SCFD1: variants seen among roughly 807,000 people sequenced by gnomAD.
SCFD1 encodes sec1 family domain-containing protein 1.
A neutral mutation model predicts 103.2 loss-of-function variants in SCFD1; 37 were observed. The observed-to-expected ratio is 0.36, with a 90% confidence interval of 0.28 to 0.47. The LOEUF is 0.47. SCFD1 is among the 20% of genes least tolerant of loss of function. The pLI is 1.00. For missense variants in SCFD1, 639 were observed against 761.2 expected (o/e 0.84, Z 1.89); for synonymous variants, 264 against 245.0 (o/e 1.08, Z -0.73).
chr14:30,714,732 A>G (rs1892155343), intron 19 of SCFD1, among the ~76,000 whole-genome samples: 1 of 152,246 alleles, frequency 6.6e-6, no homozygotes, highest in East Asian at 1.9e-4. Flanking sequence ...ATAAACAATC[A>G]GATTGAATGT....
At chr14:30,721,750 C>G (rs1892663851) in intron 21 of SCFD1, 134 bp from the exon 22 acceptor site, 3 of 712,992 alleles carry the variant, frequency 4.2e-6, no homozygotes, top group African/African-American at 1.9e-5. Context: ...AAAGGACCCA[C>G]CCCTCTAAGA....
chr14:30,663,962 A>G (rs1887677714), intron 10 of SCFD1, among the ~76,000 whole-genome samples: 1 of 152,182 alleles, frequency 6.6e-6, no homozygotes, highest in Non-Finnish European at 1.5e-5. Context: ...CTTCTGAACA[A>G]AAGGCAGCAG....
chr14:30,637,375 A>G (rs1884836040), intron 4 of SCFD1, among the ~76,000 whole-genome samples: 1 of 152,084 alleles, frequency 6.6e-6, no homozygotes, highest in Non-Finnish European at 1.5e-5. Flanking sequence ...ATCCTCATAC[A>G]TAAATAATTT....
rs144238607 is a variant in SCFD1 at position 30,655,702 on chromosome 14, TGTAGAG to T, written c.855+2115_855+2120del. ...TGATAAGTTAGATGTGGGAGTTAGA[TGTAGAG>T]AGAGAGAGAACTCAAAGATGACTCC... On this transcript the variant is annotated intron_variant, in intron 10 of 24. Transcript: ENST00000458591. Among the ~76,000 whole-genome samples, 601 of 152,264 alleles carry T rather than the reference TGTAGAG, an allele frequency of 3.9e-3. 6 individuals carry two copies. The highest frequency in any genetic ancestry group is 0.013 in the African/African-American group (547 of 41,542).
chr14:30,714,222 C>T (rs1194089227), intron 19 of SCFD1, among the ~76,000 whole-genome samples: 5 of 151,478 alleles, frequency 3.3e-5, no homozygotes, highest in Non-Finnish European at 5.9e-5. Flanking sequence ...GGCGCAGTGG[C>T]GGGCGCCTGT....
chr14:30,658,882 G>A (rs1051478578), intron 10 of SCFD1, among the ~76,000 whole-genome samples: 12 of 152,156 alleles, frequency 7.9e-5, no homozygotes, highest in Non-Finnish European at 1.5e-4. Context: ...TCAGCACTAT[G>A]TAGCCTAATT....
chr14:30,699,950 G>T lies in SCFD1; in HGVS notation c.1340-238G>T, dbSNP rs144591853. ...AAATCTCAACATTATACACAATTTG[G>T]AAGATACAATAGAGATGCTCTCATA... On this transcript the variant is annotated intron_variant, in intron 15 of 24. Transcript: ENST00000458591. Among the ~76,000 whole-genome samples the T allele has an allele frequency of 9.0e-4, 137 of 152,208 alleles. 1 individual carries two copies. Among genetic ancestry groups the T allele is most frequent in the African/African-American group, 3.2e-3 (131 of 41,538 alleles).
intron 3 of SCFD1, among the ~76,000 whole-genome samples, chr14:30,633,508 A>C (rs975075386): frequency 2.0e-5 from 3 of 152,136 alleles, no homozygotes; most frequent in Non-Finnish European, 4.4e-5. Flanking sequence ...ATAGCTTCTA[A>C]AGAATTGCTT....
At chr14:30,704,992 G>C (rs1454408199) in intron 17 of SCFD1, among the ~76,000 whole-genome samples, 5 of 152,166 alleles carry the variant, frequency 3.3e-5, no homozygotes, top group Admixed American at 2.0e-4. Flanking sequence ...ATTCTCTACA[G>C]TGAAAATACT....
intron 21 of SCFD1, among the ~76,000 whole-genome samples, chr14:30,721,502 A>T (rs1461218110): frequency 6.6e-6 from 1 of 151,716 alleles, no homozygotes; most frequent in Non-Finnish European, 1.5e-5. Flanking sequence ...ACAAATGTAG[A>T]TACCCACAAA....
intron 4 of SCFD1, among the ~76,000 whole-genome samples, chr14:30,636,107 G>C (rs1331617266): frequency 6.6e-6 from 1 of 151,882 alleles, no homozygotes; most frequent in Non-Finnish European, 1.5e-5. Context: ...TCTTTTTATT[G>C]TTGAGTTGAT....
intron 10 of SCFD1, among the ~76,000 whole-genome samples, chr14:30,657,705 A>T (rs766264932): frequency 1.9e-4 from 29 of 152,354 alleles, no homozygotes; most frequent in Non-Finnish European, 3.7e-4. Flanking sequence ...TGATTGCTAA[A>T]CCTGCTACTT....
At chr14:30,681,519 C>G (rs1889481384) in intron 14 of SCFD1, among the ~76,000 whole-genome samples, 1 of 151,486 alleles carries the variant, frequency 6.6e-6, no homozygotes. Context: ...TGTTCATATT[C>G]TAAAACAGAT....
chr14:30,644,094 A>AG, intron 7 of SCFD1: 1 of 413,272 alleles, frequency 2.4e-6, no homozygotes, highest in Non-Finnish European at 4.9e-6. Flanking sequence ...GTGAGAACAT[A>AG]GGGTGTTTTG....
intron 19 of SCFD1, chr14:30,715,494 C>G (rs1475125661): frequency 6.6e-6 from 1 of 152,322 alleles, no homozygotes; most frequent in African/African-American, 2.4e-5. Flanking sequence ...TCACTTGAAC[C>G]CAGGAGGCAG....
At chr14:30,680,472 A>T (rs1038039261) in intron 14 of SCFD1, among the ~76,000 whole-genome samples, 5 of 152,192 alleles carry the variant, frequency 3.3e-5, no homozygotes, top group African/African-American at 1.2e-4. Flanking sequence ...TTGCCTTAAG[A>T]CCATCTACCA....
chr14:30,733,199 G>A (rs981570358), intron 23 of SCFD1, among the ~76,000 whole-genome samples: 5 of 151,838 alleles, frequency 3.3e-5, no homozygotes, highest in Admixed American at 3.3e-4. Context: ...TAGTAGAGAT[G>A]GGGTTTCACC....
chr14:30,635,721 T>C (rs1884654409), intron 4 of SCFD1, among the ~76,000 whole-genome samples: 1 of 152,200 alleles, frequency 6.6e-6, no homozygotes, highest in Non-Finnish European at 1.5e-5. Flanking sequence ...TAAATATTCA[T>C]GTGCAGGTTT....
chr14:30,717,458 CAG>C (rs1277692523), intron 20 of SCFD1, among the ~76,000 whole-genome samples: 1 of 152,080 alleles, frequency 6.6e-6, no homozygotes, highest in East Asian at 1.9e-4. Flanking sequence ...TCCTGGGTGA[CAG>C]AGTGAGACCC....
Sources: gnomAD v4.1 joint callset for allele counts (sites outside exome capture counted in the v4.1 genomes callset) on GRCh38, gnomAD v4.1.1 for gene constraint, MANE v1.5 for transcripts, NCBI Gene and HGNC (gene_info 2026-07-23, HGNC 2026-07-21) for gene names.